Variants in ACBD5 observed in about 807,000 individuals in gnomAD.
ACBD5 encodes the protein acyl-CoA binding domain containing 5, also known as acyl-CoA-binding domain-containing protein 5.
A neutral mutation model predicts 71.8 loss-of-function variants in ACBD5; 40 were observed. The ratio of observed to expected loss-of-function variants is 0.56; its 90% confidence interval spans 0.43 to 0.72. ACBD5 has a LOEUF of 0.72. ACBD5 is among the 30% of genes least tolerant of loss of function. The probability of loss-of-function intolerance (pLI) is 0.00; values close to 1 mark genes in which losing one functional copy is unlikely to be tolerated. For missense variants in ACBD5, 559 were observed against 644.5 expected, an observed-to-expected ratio of 0.87 and a Z score of 1.44; for synonymous variants, 229 against 218.6, an observed-to-expected ratio of 1.05 and a Z score of -0.42.
chr10:27,198,088 C>T (rs181623909), intron 12 of ACBD5, among the ~76,000 whole-genome samples: 1 of 152,236 alleles, frequency 6.6e-6, no homozygotes, highest in African/African-American at 2.4e-5. Context: ...AAATGCGTAA[C>T]AAAACTGTAA....
intron 12 of ACBD5, among the ~76,000 whole-genome samples, chr10:27,200,882 A>G (rs2059853880): frequency 6.6e-6 from 1 of 152,106 alleles, no homozygotes; most frequent in Non-Finnish European, 1.5e-5. Context: ...TTGTAACAAT[A>G]ATAATTTAGG....
intron 13 of ACBD5, among the ~76,000 whole-genome samples, chr10:27,187,138 G>A (rs779943327): frequency 1.8e-4 from 27 of 152,050 alleles, no homozygotes; most frequent in Admixed American, 4.6e-4. Context: ...CATCTCTACT[G>A]TAAATACACA....
In ACBD5 at chr10:27,204,534, G is replaced by A. The variant is rs372635761; in HGVS notation, c.1471C>T (p.Pro491Ser). The A allele has an allele frequency of 2.4e-5, 38 of 1,613,592 alleles. No individual in the cohort carries two copies. Among genetic ancestry groups the A allele is most frequent in the Non-Finnish European group, 2.7e-5 (32 of 1,179,806 alleles). Residue 491 changes from proline (P) to serine (S), a missense_variant, in exon 12 of 13, where the codon CCC (proline) becomes TCC (serine). Physicochemically the swap from Pro to Ser is moderately conservative, Grantham distance 74. Coordinates refer to ENST00000396271, the MANE Select transcript of ACBD5 (RefSeq NM_145698.5). The part of the protein sequence containing the change: ...QPTSQRPSWW[P>S]FEMSPGVLTF... ...AGCACACCAGGAGACATCTCGAAGG[G>A]CCACCAAGATGGTCTCTGAGAAAAT...
chr10:27,222,885 T>C (rs1424659718), intron 5 of ACBD5, among the ~76,000 whole-genome samples: 1 of 152,336 alleles, frequency 6.6e-6, no homozygotes, highest in Middle Eastern at 3.4e-3. Flanking sequence ...ATATCCATTT[T>C]AAAATTAGCT....
At chr10:27,209,961 T>C (rs1184763384) in intron 9 of ACBD5, among the ~76,000 whole-genome samples, 1 of 152,192 alleles carries the variant, frequency 6.6e-6, no homozygotes, top group Non-Finnish European at 1.5e-5. Context: ...AGTGAATGGT[T>C]TTGTATGTAA....
At chr10:27,202,137 T>C (rs1265695119) in intron 12 of ACBD5, among the ~76,000 whole-genome samples, 1 of 152,204 alleles carries the variant, frequency 6.6e-6, no homozygotes, top group Non-Finnish European at 1.5e-5. Context: ...AACTGCTCTC[T>C]GGTCTTCATT....
intron 8 of ACBD5, 59 bp from the exon 9 acceptor site, chr10:27,211,140 G>T (rs1369252510): frequency 2.0e-6 from 3 of 1,535,748 alleles, no homozygotes; most frequent in Non-Finnish European, 1.8e-6. Flanking sequence ...ACACCACAAA[G>T]TTTTTACAGC....
chr10:27,204,454 A>G lies in ACBD5; in HGVS notation c.1551T>C (p.Tyr517=). 3.1e-6 allele frequency: 5 copies of G among 1,613,054 alleles called. No individual in the cohort carries two copies. Among genetic ancestry groups the G allele is most frequent in the Non-Finnish European group, 4.2e-6 (5 of 1,179,084 alleles). Residue 517 remains tyrosine (Y), a synonymous_variant, in exon 12 of 13, where the codon TAT becomes TAC. Transcript: ENST00000396271. ...ACTGGTCTTACCTTCTCCTTCTTTG[A>G]TAGTATAAATACACCAACCACTGTG... ...FIAQWLVYLY[Y]QRRRRKLN
intron 6 of ACBD5, 134 bp downstream of exon 6, chr10:27,219,589 A>C: frequency 8.1e-7 from 1 of 1,229,526 alleles, no homozygotes; most frequent in Non-Finnish European, 1.2e-6. Flanking sequence ...GTCCACAGCA[A>C]ACTTGTTTAT....
intron 5 of ACBD5, among the ~76,000 whole-genome samples, chr10:27,222,547 T>C (rs2062488443): frequency 6.6e-6 from 1 of 151,912 alleles, no homozygotes; most frequent in Admixed American, 6.6e-5. Flanking sequence ...CCTAAACACA[T>C]CTATTTTTAA....
rs1194686857 is a variant in ACBD5 at position 27,235,133 on chromosome 10, A to C, written c.261T>G (p.Leu87=). ...TAGGATCCCAAAATCCAGGCCTTGA[A>C]AGTTTACAGGGTCCTTCAGTTGCCT... ...YKQATEGPCK[L]SRPGFWDPIG... is the part of the protein sequence containing the mutation. Residue 87 remains leucine, a synonymous_variant, in exon 3 of 13, where the codon CTT becomes CTG. Coordinates refer to ENST00000396271, the MANE Select transcript of ACBD5 (RefSeq NM_145698.5). The C allele has an allele frequency of 6.8e-6, 11 of 1,613,940 alleles. No homozygotes were observed. Among genetic ancestry groups the C allele is most frequent in the Non-Finnish European group, 7.6e-6 (9 of 1,179,988 alleles).
chr10:27,215,457 T>C, intron 8 of ACBD5, 78 bp downstream of exon 8: 1 of 902,796 alleles, frequency 1.1e-6, no homozygotes, highest in African/African-American at 1.6e-5. Context: ...GCATGTATAT[T>C]TGCTACTAAC....
chr10:27,206,450 C>G (rs1427914881), intron 10 of ACBD5, among the ~76,000 whole-genome samples: 1 of 152,020 alleles, frequency 6.6e-6, no homozygotes, highest in Admixed American at 6.6e-5. Context: ...AACTCTGTTT[C>G]TACAAAAAGT....
At chr10:27,183,435 C>T (rs540147652) in intron 13 of ACBD5, among the ~76,000 whole-genome samples, 1 of 152,144 alleles carries the variant, frequency 6.6e-6, no homozygotes, top group South Asian at 2.1e-4. Context: ...AGGCATGTGC[C>T]ACCACGCCCA....
intron 12 of ACBD5, among the ~76,000 whole-genome samples, chr10:27,199,591 C>T (rs2136567420): frequency 6.6e-6 from 1 of 152,272 alleles, no homozygotes; most frequent in South Asian, 2.1e-4. Context: ...TGCACTGCTG[C>T]AATTCCTTCC....
chr10:27,208,776 T>G (rs1316853751), intron 9 of ACBD5, among the ~76,000 whole-genome samples: 1 of 151,956 alleles, frequency 6.6e-6, no homozygotes, highest in Non-Finnish European at 1.5e-5. Context: ...AGGCGGTGGT[T>G]GCAGTGAGCC....
rs1036667009 is a variant in ACBD5, at chr10:27,216,760, A to T, written c.830-1119T>A. Among the ~76,000 whole-genome samples, 6 of 152,290 alleles carry T rather than the reference A, an allele frequency of 3.9e-5. No homozygotes were observed. The South Asian group carries it at 1.2e-3, about 32-fold the overall frequency. ...AAAGACAGCCTAGATGAAATCTTAT[A>T]AAACCTAATAACCCTGTAAGAGAAA... On this transcript the variant is annotated intron_variant, in intron 7 of 12. Coordinates refer to ENST00000396271, the MANE Select transcript of ACBD5 (RefSeq NM_145698.5).
upstream of ACBD5, among the ~76,000 whole-genome samples, chr10:27,241,166 C>T (rs1008599992): frequency 6.6e-6 from 1 of 152,178 alleles, no homozygotes; most frequent in Non-Finnish European, 1.5e-5. Context: ...ACTCTGCGGT[C>T]CCCAGCGCCT....
intron 13 of ACBD5, among the ~76,000 whole-genome samples, chr10:27,189,995 G>A (rs1275084879): frequency 6.6e-6 from 1 of 151,348 alleles, no homozygotes; most frequent in Non-Finnish European, 1.5e-5. Flanking sequence ...AATAATAATT[G>A]TTTTTTAGGC....
Sources: allele counts gnomAD v4.1 joint callset (sites outside exome capture counted in the v4.1 genomes callset), GRCh38; gene constraint gnomAD v4.1.1; transcripts MANE v1.5; gene names NCBI Gene and HGNC (gene_info 2026-07-23, HGNC 2026-07-21).